Variants in MED12L observed in about 807,000 individuals in gnomAD.
MED12L encodes mediator complex subunit 12L.
MED12L carries 60 observed loss-of-function variants against 281.3 expected under a neutral mutation model. That is an observed-to-expected ratio of 0.21 (90% CI 0.17 to 0.26). The LOEUF (loss-of-function observed/expected upper bound fraction) is 0.26. Among genes scored for constraint, MED12L ranks in the 10% least tolerant of loss-of-function variants. The pLI is 1.00. For synonymous variants in MED12L, 974 were observed against 987.2 expected (o/e 0.99, Z 0.25); for missense variants, 2,146 against 2,680.9 (o/e 0.80, Z 4.41).
chr3:151,245,970 C>G (rs1735360510), intron 16 of MED12L, among the ~76,000 whole-genome samples: 1 of 151,008 alleles, frequency 6.6e-6, no homozygotes, highest in South Asian at 2.1e-4. Context: ...TTCTTATACA[C>G]CAGCAACAGA....
In MED12L at chr3:151,300,233, C is replaced by T. The variant is rs568877385; in HGVS notation, c.2251-49826C>T. 4.1e-5 allele frequency: 30 copies of T among 735,964 alleles called. No homozygotes were observed. In the East Asian group the frequency reaches 7.6e-4, roughly 19 times the overall value. 45.6% of individuals were successfully genotyped at this position (735,964 alleles called of 1,614,324 possible). A position where few individuals can be genotyped will look rare whatever the true frequency, so the allele number is the denominator to read the frequency against. On this transcript the variant is annotated intron_variant, in intron 16 of 44. Transcript: ENST00000687756. ...AAATGAAAAATGAGGAAAAAATCATCTGGGAAGGAATTTTAAAATACAACA... is the reference window on the plus strand; with the variant it reads ...AAATGAAAAATGAGGAAAAAATCATTTGGGAAGGAATTTTAAAATACAACA...
At chr3:151,294,894 A>G (rs1408527592) in intron 16 of MED12L, 1 of 1,614,030 alleles carries the variant, frequency 6.2e-7, no homozygotes, top group Non-Finnish European at 8.5e-7. Context: ...AACAAAACTG[A>G]AGTGTATCTG....
chr3:151,268,871 A>G (rs2149536742), intron 16 of MED12L, among the ~76,000 whole-genome samples: 1 of 152,302 alleles, frequency 6.6e-6, no homozygotes, highest in East Asian at 1.9e-4. Context: ...TACCTTCCCA[A>G]CCTTCGGTTG....
chr3:151,306,818 C>T (rs1282844561), intron 16 of MED12L, among the ~76,000 whole-genome samples: 1 of 152,180 alleles, frequency 6.6e-6, no homozygotes, highest in East Asian at 1.9e-4. Flanking sequence ...AATGCTGGCT[C>T]CCTAAATGCA....
chr3:151,245,965 A>T (rs1266101304), intron 16 of MED12L, among the ~76,000 whole-genome samples: 1 of 151,280 alleles, frequency 6.6e-6, no homozygotes, highest in African/African-American at 2.4e-5. Flanking sequence ...AAGCATTCTT[A>T]TACACCAGCA....
chr3:151,286,923 G>T (rs1370653037), intron 16 of MED12L, among the ~76,000 whole-genome samples: 1 of 152,168 alleles, frequency 6.6e-6, no homozygotes, highest in African/African-American at 2.4e-5. Flanking sequence ...TGTCTGTTAT[G>T]CTTATTAATC....
intron 16 of MED12L, among the ~76,000 whole-genome samples, chr3:151,341,268 T>A (rs1212410783): frequency 5.3e-5 from 8 of 152,164 alleles, no homozygotes; most frequent in Non-Finnish European, 1.2e-4. Context: ...AACTCCTTTG[T>A]AGGTGAAACA....
intron 5 of MED12L, among the ~76,000 whole-genome samples, chr3:151,130,948 A>G (rs1715302161): frequency 6.6e-6 from 1 of 152,226 alleles, no homozygotes; most frequent in Non-Finnish European, 1.5e-5. Context: ...GTCTCTGAAG[A>G]CAGTACTTGG....
At chr3:151,288,102 AG>A (rs1374569316) in intron 16 of MED12L, among the ~76,000 whole-genome samples, 15 of 152,336 alleles carry the variant, frequency 9.8e-5, no homozygotes, top group Admixed American at 9.8e-4. Flanking sequence ...GAATCCAATC[AG>A]GGTTCTCAAT....
intron 3 of MED12L, among the ~76,000 whole-genome samples, chr3:151,120,347 T>C (rs1370567122): frequency 2.6e-5 from 4 of 152,194 alleles, no homozygotes; most frequent in Non-Finnish European, 5.9e-5. Flanking sequence ...CTTATTAAAA[T>C]TGCAGAATTA....
chr3:151,407,523 T>A (rs1460616584), intron 39 of MED12L, among the ~76,000 whole-genome samples: 1 of 152,180 alleles, frequency 6.6e-6, no homozygotes, highest in Non-Finnish European at 1.5e-5. Context: ...AAGGATCTGG[T>A]TGATTTAATT....
chr3:151,197,055 CT>C (rs1377349585), intron 16 of MED12L, among the ~76,000 whole-genome samples: 4 of 152,228 alleles, frequency 2.6e-5, no homozygotes, highest in African/African-American at 7.2e-5. Context: ...CCTAATAAGT[CT>C]TTTATTTAAT....
At chr3:151,221,562 G>T (rs888523617) in intron 16 of MED12L, among the ~76,000 whole-genome samples, 1 of 152,206 alleles carries the variant, frequency 6.6e-6, no homozygotes, top group Non-Finnish European at 1.5e-5. Flanking sequence ...TAGTGTGGCT[G>T]AAAGGGGCCC....
At chr3:151,335,086 A>G (rs974791015) in intron 16 of MED12L, among the ~76,000 whole-genome samples, 6 of 152,212 alleles carry the variant, frequency 3.9e-5, no homozygotes, top group African/African-American at 1.4e-4. Flanking sequence ...TGGTCAAATC[A>G]GGGTAACTGG....
chr3:151,103,551 G>T (rs937941435), intron 2 of MED12L, among the ~76,000 whole-genome samples: 1 of 152,280 alleles, frequency 6.6e-6, no homozygotes, highest in South Asian at 2.1e-4. Context: ...TGAATTTACT[G>T]AGTAGTCAGT....
chr3:151,200,864 C>G (rs767730044), intron 16 of MED12L: 2 of 151,992 alleles, frequency 1.3e-5, no homozygotes, highest in Non-Finnish European at 2.9e-5. Context: ...TGTTATTGTC[C>G]CTGCTTTACA....
chr3:151,231,535 A>C (rs1731672492), intron 16 of MED12L, among the ~76,000 whole-genome samples: 1 of 152,230 alleles, frequency 6.6e-6, no homozygotes, highest in Non-Finnish European at 1.5e-5. Flanking sequence ...ATGAGCAATC[A>C]GACAAATTTA....
rs771614198 is a variant in MED12L at position 151,122,807 on chromosome 3, T to G, written c.229T>G (p.Leu77Val). ...GATTGGAGCTTATTTTAGCAGCATA[T>G]TAGCTGAGAAACTGAAGCTTAACAC... Reference protein sequence around the residue: ...SKIGAYFSSILAEKLKLNTFQ... With the variant: ...SKIGAYFSSIVAEKLKLNTFQ... The change falls in exon 4 of 45, where the codon TTA (leucine) becomes GTA (valine). Residue 77 changes from leucine to valine, a missense_variant. Around this residue, in one of 9 missense-constraint regions of MED12L, gnomAD observed 722 missense variants for 861.2 expected, o/e 0.84. Coordinates refer to ENST00000687756, the MANE Select transcript of MED12L (RefSeq NM_001393769.1). 1.9e-6 allele frequency: 3 copies of G among 1,606,280 alleles called. No individual in the cohort carries two copies. Among genetic ancestry groups the G allele is most frequent in the Non-Finnish European group, 2.5e-6 (3 of 1,176,752 alleles).
intron 16 of MED12L, among the ~76,000 whole-genome samples, chr3:151,216,516 T>C (rs554962222): frequency 6.6e-6 from 1 of 152,370 alleles, no homozygotes; most frequent in South Asian, 2.1e-4. Context: ...TGTTTCTGCG[T>C]ATTTTCCTTT....
Sources: gnomAD v4.1 joint callset for allele counts (sites outside exome capture counted in the v4.1 genomes callset) on GRCh38, gnomAD v4.1.1 for gene constraint, gnomAD v4.1.1 regional missense constraint, MANE v1.5 for transcripts, NCBI Gene and HGNC (gene_info 2026-07-23, HGNC 2026-07-21) for gene names.